DPYD: variants seen among roughly 807,000 people sequenced by gnomAD.
DPYD encodes dihydropyrimidine dehydrogenase [NADP(+)].
In DPYD, 109 loss-of-function variants were observed where a neutral mutation model predicts 116.2. That is an observed-to-expected ratio of 0.94 (90% CI 0.80 to 1.10). The LOEUF is 1.10. Among genes scored for constraint, DPYD ranks in the 50% least tolerant of loss-of-function variants. The pLI, the probability that DPYD is intolerant of heterozygous loss-of-function variation, is 0.00. For synonymous variants in DPYD, 440 were observed against 432.0 expected (o/e 1.02, Z -0.23); for missense variants, 1,302 against 1,254.5 (o/e 1.04, Z -0.57).
At chr1:97,335,278 A>G (rs550339649) in intron 16 of DPYD, among the ~76,000 whole-genome samples, 2 of 148,742 alleles carry the variant, frequency 1.3e-5, no homozygotes, top group South Asian at 4.3e-4. Context: ...GCTATGCATC[A>G]CAATCATTTA....
intron 15 of DPYD, among the ~76,000 whole-genome samples, chr1:97,377,497 G>T (rs536245783): frequency 6.6e-6 from 1 of 152,060 alleles, no homozygotes; most frequent in East Asian, 1.9e-4. Flanking sequence ...AACTCACCTG[G>T]TCCTACATTG....
intron 2 of DPYD, among the ~76,000 whole-genome samples, chr1:97,864,904 T>G (rs1671295765): frequency 6.6e-6 from 1 of 151,964 alleles, no homozygotes; most frequent in South Asian, 2.1e-4. Context: ...GATAGTGTTT[T>G]TGAAGCCTGA....
chr1:97,829,989 A>C (rs1244762693), intron 2 of DPYD, among the ~76,000 whole-genome samples: 1 of 151,954 alleles, frequency 6.6e-6, no homozygotes, highest in Non-Finnish European at 1.5e-5. Context: ...ATGAGTGAGA[A>C]CATGCTGTGT....
At chr1:97,509,365 G>T (rs891230097) in intron 13 of DPYD, among the ~76,000 whole-genome samples, 15 of 152,128 alleles carry the variant, frequency 9.9e-5, no homozygotes, top group South Asian at 2.1e-4. Flanking sequence ...GAAGAATGGT[G>T]AACAAACTGT....
chr1:97,385,497 T>C (rs1362722036), intron 14 of DPYD, among the ~76,000 whole-genome samples: 2 of 148,972 alleles, frequency 1.3e-5, no homozygotes, highest in Non-Finnish European at 3.0e-5. Context: ...ATAAGCAATA[T>C]GCATAGATTT....
At chr1:97,615,536 C>A (rs1377798251) in intron 8 of DPYD, among the ~76,000 whole-genome samples, 1 of 152,124 alleles carries the variant, frequency 6.6e-6, no homozygotes, top group Non-Finnish European at 1.5e-5. Flanking sequence ...TTTCTACAAT[C>A]ACCAAATCCT....
At chr1:97,751,325 TAC>T (rs956606770) in intron 3 of DPYD, among the ~76,000 whole-genome samples, 34 of 147,726 alleles carry the variant, frequency 2.3e-4, no homozygotes, top group African/African-American at 7.9e-4. Context: ...TATACATATA[TAC>T]ACACACATAT....
intron 9 of DPYD, among the ~76,000 whole-genome samples, chr1:97,593,715 T>A (rs115001126): frequency 6.6e-6 from 1 of 152,304 alleles, no homozygotes; most frequent in African/African-American, 2.4e-5. Context: ...TATCTTTAAC[T>A]CAGCATAATT....
At chr1:97,731,983 C>T (rs890739905) in intron 4 of DPYD, among the ~76,000 whole-genome samples, 1 of 152,122 alleles carries the variant, frequency 6.6e-6, no homozygotes, top group East Asian at 1.9e-4. Context: ...TATGATGTTA[C>T]TCGTTTCATA....
chr1:97,700,363 C>G (rs1367309971), intron 5 of DPYD: 6 of 440,874 alleles, frequency 1.4e-5, no homozygotes, highest in Non-Finnish European at 2.7e-5. Flanking sequence ...TGACAAAAAC[C>G]TAAAGATCTA....
chr1:97,739,398 A>G (rs1664140155), intron 4 of DPYD, among the ~76,000 whole-genome samples: 5 of 152,142 alleles, frequency 3.3e-5, no homozygotes. Context: ...CGGTTTATCT[A>G]AAAATTCAAA....
At chr1:97,548,244 G>A (rs1651048948) in intron 12 of DPYD, among the ~76,000 whole-genome samples, 3 of 152,046 alleles carry the variant, frequency 2.0e-5, no homozygotes, top group Non-Finnish European at 2.9e-5. Flanking sequence ...ACATAAATGA[G>A]GTAACTGTAT....
chr1:97,258,232 T>A (rs1286535078), intron 18 of DPYD, among the ~76,000 whole-genome samples: 1 of 152,152 alleles, frequency 6.6e-6, no homozygotes, highest in Non-Finnish European at 1.5e-5. Flanking sequence ...GTCAGTTCCA[T>A]GTCAGCTCTG....
intron 3 of DPYD, among the ~76,000 whole-genome samples, chr1:97,817,492 C>T (rs1297057140): frequency 6.6e-6 from 1 of 151,752 alleles, no homozygotes; most frequent in Admixed American, 6.6e-5. Context: ...GTCTATCTTC[C>T]AGAAGAGATG....
At chr1:97,378,768 C>T (rs1268851142) in intron 15 of DPYD, among the ~76,000 whole-genome samples, 2 of 152,220 alleles carry the variant, frequency 1.3e-5, no homozygotes, top group East Asian at 3.9e-4. Flanking sequence ...AAGCAGTGAA[C>T]CATGCAAGGG....
intron 14 of DPYD, among the ~76,000 whole-genome samples, chr1:97,444,591 G>GTATATACACATATACATATATATACA (rs1675972059): frequency 1.3e-5 from 2 of 152,000 alleles, no homozygotes; most frequent in Non-Finnish European, 2.9e-5. Context: ...ACACACATAT[G>GTATATACACATATACATATATATACA]TATATACACA....
chr1:97,324,249 C>G (rs894591072), intron 16 of DPYD, among the ~76,000 whole-genome samples: 1 of 151,992 alleles, frequency 6.6e-6, no homozygotes, highest in Non-Finnish European at 1.5e-5. Flanking sequence ...TTCTGACAGC[C>G]AGTCAGTTTC....
At chr1:97,452,421 G>C (rs1463140236) in intron 13 of DPYD, among the ~76,000 whole-genome samples, 3 of 152,112 alleles carry the variant, frequency 2.0e-5, no homozygotes, top group Non-Finnish European at 1.5e-5. Context: ...AATGAGTCTA[G>C]ACTAAAACCA....
In DPYD at chr1:97,106,666, T is replaced by C. The variant is rs545175833; in HGVS notation, c.2623-8034A>G. On this transcript the variant is annotated intron_variant, in intron 20 of 22. Coordinates refer to ENST00000370192, the MANE Select transcript of DPYD (RefSeq NM_000110.4). ...GAGGCCTGCAGATTCAGGCATAGAG[T>C]TAAGTATGCCATTGGCTCCCCCAGT... Among the ~76,000 whole-genome samples, 3 of 152,024 alleles carry C rather than the reference T, an allele frequency of 2.0e-5. No individual in the cohort carries two copies. The East Asian group carries it at 5.8e-4, about 30-fold the overall frequency.
Sources: gnomAD v4.1 joint callset for allele counts (sites outside exome capture counted in the v4.1 genomes callset) on GRCh38, gnomAD v4.1.1 for gene constraint, MANE v1.5 for transcripts, NCBI Gene and HGNC (gene_info 2026-07-23, HGNC 2026-07-21) for gene names.